The following SKP2 variants were observed in gnomAD, a reference collection of about 807,000 sequenced individuals.
SKP2 encodes the protein S-phase kinase-associated protein 2.
A neutral mutation model predicts 51.8 loss-of-function variants in SKP2; 16 were observed. That is an observed-to-expected ratio of 0.31 (90% CI 0.21 to 0.47). The LOEUF (loss-of-function observed/expected upper bound fraction) is 0.47, where lower values mean the gene tolerates loss of function less well. Ranked by LOEUF, SKP2 falls within the 20% of genes least tolerant of loss-of-function variation. The pLI is 1.00. For synonymous variants in SKP2, 176 were observed against 198.6 expected (o/e 0.89, Z 0.96); for missense variants, 377 against 505.3 (o/e 0.75, Z 2.43).
At chr5:36,152,659 T>C in intron 1 of SKP2, 112 bp from the exon 2 acceptor site, 1 of 1,126,522 alleles carries the variant, frequency 8.9e-7, no homozygotes, top group South Asian at 1.5e-5. Context: ...GCGATTCTGT[T>C]AGCTGCTGTG....
intron 2 of SKP2, among the ~76,000 whole-genome samples, chr5:36,156,248 C>T (rs1387720921): frequency 2.0e-5 from 3 of 152,120 alleles, no homozygotes; most frequent in Admixed American, 1.3e-4. Flanking sequence ...TCCCAATGGG[C>T]CTTTGGAAGC....
chr5:36,182,186 A>G lies in SKP2; in HGVS notation c.*155A>G. On this transcript the variant is annotated 3_prime_UTR_variant, in exon 10 of 10. Coordinates refer to ENST00000274255, the MANE Select transcript of SKP2 (RefSeq NM_005983.4). ...GCCATTTGAGAGGGAAAACTATGAA[A>G]TCTTGCTTTTTGAAATGATTCTAAA... The G allele has an allele frequency of 7.0e-7, 1 of 1,420,598 alleles. No homozygotes were observed. The highest frequency in any genetic ancestry group is 9.2e-7 in the Non-Finnish European group (1 of 1,091,356). The allele number at this position is 1,420,598 out of a possible 1,614,324, so 88.0% of individuals were successfully genotyped here.
At chr5:36,185,013 GTGA>G (rs1745932658), downstream of SKP2, among the ~76,000 whole-genome samples, 1 of 152,340 alleles carries the variant, frequency 6.6e-6, no homozygotes, top group East Asian at 1.9e-4. Flanking sequence ...CTGATGGCCA[GTGA>G]TGATGACCAT....
downstream of SKP2, among the ~76,000 whole-genome samples, chr5:36,188,163 G>A (rs1745973606): frequency 6.6e-6 from 1 of 152,170 alleles, no homozygotes. Flanking sequence ...AGAGCACACT[G>A]ATGGGTCTTG....
chr5:36,176,970 T>G lies in SKP2; in HGVS notation c.907T>G (p.Ser303Ala). ...TGTTTTTTTGCTTTTCCTAGATCTC[T>G]CTACTTTAGTTAGAAGATGCCCCAA... is the stretch of plus-strand genomic sequence containing the variant. ...YRKNLQKSDL[S>A]TLVRRCPNLV... Residue 303 changes from serine (S) to alanine (A), a missense_variant, in exon 8 of 10, where the codon TCT becomes GCT. This residue lies in a region of SKP2 where 262 missense variants were observed against 389.8 expected (regional missense o/e 0.67). Transcript: ENST00000274255. 6.3e-7 allele frequency: 1 copy of G among 1,592,994 alleles called. No homozygotes were observed. Among genetic ancestry groups the G allele is most frequent in the Non-Finnish European group, 8.6e-7 (1 of 1,165,280 alleles).
At chr5:36,169,108 C>T (rs1745385672) in intron 5 of SKP2, among the ~76,000 whole-genome samples, 1 of 152,132 alleles carries the variant, frequency 6.6e-6, no homozygotes, top group Non-Finnish European at 1.5e-5. Context: ...TAATGGGCCC[C>T]TACGCCTTGC....
chr5:36,191,689 A>G (rs1263240283), intron 6 of SKP2, among the ~76,000 whole-genome samples: 1 of 152,132 alleles, frequency 6.6e-6, no homozygotes, highest in Non-Finnish European at 1.5e-5. Flanking sequence ...TGCAGAGCCT[A>G]TGAGGAAACA....
Position 36,183,659 on chromosome 5 carries a change from C to T in SKP2, c.*1628C>T. ...AACAACAAAAAAAGCTAACACCAGT[C>T]ATTTATATTAACTTTTTTTTTTTAA... On this transcript the variant is annotated 3_prime_UTR_variant, in exon 10 of 10. Transcript: ENST00000274255. The T allele has an allele frequency of 1.6e-6, 2 of 1,232,008 alleles. No individual in the cohort carries two copies. Among genetic ancestry groups the T allele is most frequent in the Non-Finnish European group, 2.0e-6 (2 of 982,360 alleles). The allele number at this position is 1,232,008 out of a possible 1,614,324, so 76.3% of individuals were successfully genotyped here.
At chr5:36,155,738 A>G (rs553217942) in intron 2 of SKP2, among the ~76,000 whole-genome samples, 1 of 152,218 alleles carries the variant, frequency 6.6e-6, no homozygotes, top group Non-Finnish European at 1.5e-5. Context: ...TCCTGCTAAG[A>G]TGAACAGATT....
chr5:36,153,213 G>GATATATATATATATATATATAT (rs3038049), intron 2 of SKP2, among the ~76,000 whole-genome samples, 171 bp downstream of exon 2: 1 of 147,560 alleles, frequency 6.8e-6, no homozygotes, highest in African/African-American at 2.5e-5. Flanking sequence ...AATCTTGGTA[G>GATATATATATATATATATATAT]ATATATATAT....
chr5:36,158,269 A>G (rs1745014559), intron 2 of SKP2, among the ~76,000 whole-genome samples: 1 of 152,274 alleles, frequency 6.6e-6, no homozygotes, highest in African/African-American at 2.4e-5. Flanking sequence ...CAGACCAGGC[A>G]GCAGTTTCAT....
At position 36,190,683 on chromosome 5, in the gene SKP2, C is replaced by CAAAAAAA. The variant is rs70973094; in HGVS notation, c.633-1921_633-1915dup. ...AATGATGAAAAACGTCAAACATATG[C>CAAAAAAA]AAAAAAAAAAAAAAAAAAAAAAAGA... On this transcript the variant is annotated intron_variant, in intron 6 of 7. Coordinates refer to the SKP2 transcript ENST00000677886. 2.4e-3 allele frequency among the ~76,000 whole-genome samples: 191 copies of CAAAAAAA among 81,168 alleles called. 4 individuals carry two copies. The highest frequency in any genetic ancestry group is 0.016 in the Middle Eastern group (2 of 128). 53.2% of individuals were successfully genotyped at this position (81,168 alleles called of 152,430 possible). A position where few individuals can be genotyped will look rare whatever the true frequency, so the allele number is the denominator to read the frequency against.
intron 2 of SKP2, among the ~76,000 whole-genome samples, chr5:36,158,448 C>T (rs543193941): frequency 2.6e-4 from 40 of 152,318 alleles, no homozygotes; most frequent in African/African-American, 9.1e-4. Flanking sequence ...TACCCCCACC[C>T]GGGGCCCCTA....
rs148293648 is a variant in SKP2 at position 36,157,232 on chromosome 5, T to C, written c.280+4190T>C. ...AGCAAATATTTCTCAAGCACCGTTTTAGAGGTTGGGACTACAATACTGAAC... is the reference window on the plus strand; with the variant it reads ...AGCAAATATTTCTCAAGCACCGTTTCAGAGGTTGGGACTACAATACTGAAC... On this transcript the variant is annotated intron_variant, in intron 2 of 9. Transcript: ENST00000274255. 3.9e-5 allele frequency among the ~76,000 whole-genome samples: 6 copies of C among 152,340 alleles called. No homozygotes were observed. In the East Asian group the frequency reaches 1.2e-3, roughly 29 times the overall value.
In SKP2 at chr5:36,181,912, C is replaced by T; in HGVS notation, c.1156C>T (p.Leu386=). Reference sequence around the variant, plus strand: ...ACTGTTAAAGGAAGCCCTTCCTCATCTACAGATTAATTGCTCCCATTTCAC... The same window carrying T: ...ACTGTTAAAGGAAGCCCTTCCTCATTTACAGATTAATTGCTCCCATTTCAC... ...LQLLKEALPH[L]QINCSHFTTI... The change falls in exon 10 of 10, where the codon CTA becomes TTA. Residue 386 remains leucine (L), a synonymous_variant. Transcript: ENST00000274255. 6.2e-7 allele frequency: 1 copy of T among 1,614,140 alleles called. No homozygotes were observed. Among genetic ancestry groups the T allele is most frequent in the South Asian group, 1.1e-5 (1 of 91,072 alleles).
intron 2 of SKP2, among the ~76,000 whole-genome samples, chr5:36,155,505 C>T (rs1436318410): frequency 6.6e-6 from 1 of 152,200 alleles, no homozygotes; most frequent in African/African-American, 2.4e-5. Flanking sequence ...ACGTAAAACC[C>T]TTAGCATGCC....
At chr5:36,187,356 T>G (rs1026624235), downstream of SKP2, among the ~76,000 whole-genome samples, 7 of 152,212 alleles carry the variant, frequency 4.6e-5, no homozygotes, top group Non-Finnish European at 8.8e-5. Flanking sequence ...CTTTCCTGCT[T>G]TCTCTTGTGG....
intron 7 of SKP2, among the ~76,000 whole-genome samples, chr5:36,174,829 C>T (rs1474608900): frequency 1.3e-5 from 2 of 152,056 alleles, no homozygotes; most frequent in African/African-American, 4.8e-5. Flanking sequence ...GAGAGAAGAA[C>T]ATTCAAGAAC....
rs1045280382 is a variant in SKP2, at chr5:36,191,522, G to T, written c.633-1099G>T. ...GCTCTTGGGCTCTTGATTCCTAATA[G>T]ACCCTATCCACAAGCTCCAGAGACA... On this transcript the variant is annotated intron_variant, in intron 6 of 7. Coordinates refer to the SKP2 transcript ENST00000677886. 2.6e-5 allele frequency among the ~76,000 whole-genome samples: 4 copies of T among 151,258 alleles called. No individual in the cohort carries two copies. The Admixed American group carries it at 2.6e-4, about 10-fold the overall frequency.
Sources: allele counts gnomAD v4.1 joint callset (sites outside exome capture counted in the v4.1 genomes callset), GRCh38; gene constraint gnomAD v4.1.1; regional missense constraint gnomAD v4.1.1; transcripts MANE v1.5; gene names NCBI Gene and HGNC (gene_info 2026-07-23, HGNC 2026-07-21).